NFIA: variants seen among roughly 807,000 people sequenced by gnomAD.
NFIA encodes nuclear factor I A, also known as nuclear factor 1 A-type.
In NFIA, 8 loss-of-function variants were observed where a neutral mutation model predicts 62.8. That is an observed-to-expected ratio of 0.13 (90% CI 0.07 to 0.23). The LOEUF is 0.23. Among genes scored for constraint, NFIA ranks in the 10% least tolerant of loss-of-function variants. The pLI is 1.00. For missense variants in NFIA, 410 were observed against 642.1 expected (o/e 0.64, Z 3.91); for synonymous variants, 235 against 238.1 (o/e 0.99, Z 0.12).
chr1:61,230,974 C>G (rs1281311021), intron 2 of NFIA, among the ~76,000 whole-genome samples: 1 of 152,202 alleles, frequency 6.6e-6, no homozygotes, highest in Admixed American at 6.5e-5. Context: ...CACTTTCTTG[C>G]AGTTAGGGAC....
intron 2 of NFIA, among the ~76,000 whole-genome samples, chr1:61,256,431 A>G: frequency 1.1e-5 from 1 of 95,164 alleles, no homozygotes; most frequent in South Asian, 4.0e-4. Context: ...GTGAGACTCC[A>G]TCTAAAAAAA....
At chr1:61,366,199 T>C (rs1663575922) in intron 6 of NFIA, among the ~76,000 whole-genome samples, 1 of 152,192 alleles carries the variant, frequency 6.6e-6, no homozygotes, top group African/African-American at 2.4e-5. Flanking sequence ...AGGGGTCCAG[T>C]GGGCTTCATG....
chr1:61,377,830 T>A (rs963212085), intron 6 of NFIA, among the ~76,000 whole-genome samples: 1 of 152,202 alleles, frequency 6.6e-6, no homozygotes, highest in Non-Finnish European at 1.5e-5. Context: ...GAATGAATTT[T>A]TGGATAGGTG....
chr1:61,325,619 T>A (rs1660654085), intron 3 of NFIA, among the ~76,000 whole-genome samples: 2 of 152,134 alleles, frequency 1.3e-5, no homozygotes, highest in South Asian at 4.1e-4. Flanking sequence ...GATGGTTACA[T>A]CAAAACCTGC....
At chr1:61,443,412 C>T (rs1667672049) in intron 10 of NFIA, among the ~76,000 whole-genome samples, 1 of 152,204 alleles carries the variant, frequency 6.6e-6, no homozygotes, top group African/African-American at 2.4e-5. Flanking sequence ...TCACCACACA[C>T]TCCTAGTCCA....
At chr1:61,320,308 A>G (rs891375453) in intron 3 of NFIA, among the ~76,000 whole-genome samples, 2 of 152,178 alleles carry the variant, frequency 1.3e-5, no homozygotes, top group East Asian at 1.9e-4. Context: ...TGTGACCCAC[A>G]TGATTGTGGC....
rs3833520 is a variant in NFIA, at chr1:61,184,106, T to TGGG, written c.560-93407_560-93405dup. Among the ~76,000 whole-genome samples, 29 of 101,820 alleles carry TGGG rather than the reference T, an allele frequency of 2.8e-4. No individual in the cohort carries two copies. In the East Asian group the frequency reaches 4.1e-3, roughly 14 times the overall value. 66.8% of individuals were successfully genotyped at this position (101,820 alleles called of 152,430 possible). On this transcript the variant is annotated intron_variant, in intron 2 of 10. Transcript: ENST00000403491. The stretch of plus-strand genomic sequence containing the variant: ...TTTCTACTCAGATCCGTAAGGTTTA[T>TGGG]GGGGGGGGGAAAAAAAACCAAAAAA...
chr1:61,356,363 G>T (rs1662954219), intron 5 of NFIA, among the ~76,000 whole-genome samples: 1 of 152,062 alleles, frequency 6.6e-6, no homozygotes, highest in African/African-American at 2.4e-5. Flanking sequence ...ATGATTTCCA[G>T]TGGCTTTCCA....
Position 61,344,174 on chromosome 1 carries a change from C to T in NFIA, c.701-8276C>T, listed in dbSNP as rs116242025. On this transcript the variant is annotated intron_variant, in intron 4 of 10. Coordinates refer to ENST00000403491, the MANE Select transcript of NFIA (RefSeq NM_001134673.4). ...CATAAATTACTTTCCAAGTTAATTC[C>T]CTTTAACGATGATTCCAGATTTGCT... Among the ~76,000 whole-genome samples, 394 of 152,228 alleles carry T rather than the reference C, an allele frequency of 2.6e-3. 3 individuals are homozygous for T. The highest frequency in any genetic ancestry group is 9.1e-3 in the African/African-American group (378 of 41,528).
chr1:61,199,499 TG>T (rs1164865446), intron 2 of NFIA, among the ~76,000 whole-genome samples: 1 of 152,164 alleles, frequency 6.6e-6, no homozygotes, highest in Non-Finnish European at 1.5e-5. Context: ...TCCAATCTTA[TG>T]TACCGTATCT....
intron 2 of NFIA, among the ~76,000 whole-genome samples, chr1:61,089,346 T>C (rs982287555): frequency 6.6e-6 from 1 of 152,190 alleles, no homozygotes; most frequent in African/African-American, 2.4e-5. Context: ...TATTGATAAT[T>C]GATGTAGTGA....
rs539756501 is a variant in NFIA, at chr1:61,328,038, G to C, written c.626-4474G>C. Among the ~76,000 whole-genome samples, 8 of 150,980 alleles carry C rather than the reference G, an allele frequency of 5.3e-5. No homozygotes were observed. In the East Asian group the frequency reaches 7.8e-4, roughly 15 times the overall value. On this transcript the variant is annotated intron_variant, in intron 3 of 10. Transcript: ENST00000403491. ...TGATGTTGGGCATTTTTTCATGTTT[G>C]TTGGCCATTTGTCTATCTTCTTTTG...
chr1:61,379,402 CT>C (rs60735193), intron 6 of NFIA, among the ~76,000 whole-genome samples: 12,158 of 98,434 alleles, frequency 0.12, 554 homozygotes, highest in East Asian at 0.19. Flanking sequence ...TTTTCTTTTT[CT>C]TTTTTTTTTT....
chr1:61,177,527 A>G (rs2100556666), intron 2 of NFIA, among the ~76,000 whole-genome samples: 1 of 152,298 alleles, frequency 6.6e-6, no homozygotes, highest in South Asian at 2.1e-4. Flanking sequence ...TGTTATCCCT[A>G]TTCTAACAAG....
rs72915774 is a variant in NFIA at position 61,446,822 on chromosome 1, C to G, written c.1513-8481C>G. ...CTAAGGTCTCCTTGATTGATTGGCT[C>G]TCAACCTGAGTCATGTTTGGGAAGA... On this transcript the variant is annotated intron_variant, in intron 10 of 10. Transcript: ENST00000403491. Among the ~76,000 whole-genome samples the G allele has an allele frequency of 9.5e-3, 1,442 of 152,312 alleles. 15 individuals are homozygous for G. Among genetic ancestry groups the G allele is most frequent in the African/African-American group, 0.033 (1,361 of 41,564 alleles).
In NFIA at chr1:61,341,060, C is replaced by CTTTTT. The variant is rs35203949; in HGVS notation, c.700+8491_700+8495dup. Among the ~76,000 whole-genome samples, 42 of 108,786 alleles carry CTTTTT rather than the reference C, an allele frequency of 3.9e-4. 1 individual carries two copies. The highest frequency in any genetic ancestry group is 9.4e-4 in the African/African-American group (26 of 27,622). 71.4% of individuals were successfully genotyped at this position (108,786 alleles called of 152,430 possible). On this transcript the variant is annotated intron_variant, in intron 4 of 10. Coordinates refer to ENST00000403491, the MANE Select transcript of NFIA (RefSeq NM_001134673.4). ...CACCTGGGTCATCTGTACCGGCATT[C>CTTTTT]TTTTTTTTTTTTTTTTTTTTTGAGA...
chr1:61,154,819 C>T (rs1369442781), intron 2 of NFIA, among the ~76,000 whole-genome samples: 1 of 152,200 alleles, frequency 6.6e-6, no homozygotes, highest in Non-Finnish European at 1.5e-5. Context: ...ATAAACCAGT[C>T]TTAAATTGAG....
rs1661355198 is a variant in NFIA at position 61,332,596 on chromosome 1, A to C, written c.700+10A>C. 3 of 1,612,914 alleles carry C rather than the reference A, an allele frequency of 1.9e-6. No individual in the cohort carries two copies. Among genetic ancestry groups the C allele is most frequent in the Admixed American group, 1.7e-5 (1 of 59,944 alleles). On this transcript the variant is annotated intron_variant, in intron 4 of 10. Coordinates refer to ENST00000403491, the MANE Select transcript of NFIA (RefSeq NM_001134673.4). ...GTAAGAGTGTCACAGAGTAAGTATAATTTTGCTTTGATTTGGTACAGATTT... is the reference window on the plus strand; with the variant it reads ...GTAAGAGTGTCACAGAGTAAGTATACTTTTGCTTTGATTTGGTACAGATTT...
At chr1:61,376,543 C>G (rs1049659858) in intron 6 of NFIA, among the ~76,000 whole-genome samples, 1 of 152,124 alleles carries the variant, frequency 6.6e-6, no homozygotes, top group African/African-American at 2.4e-5. Flanking sequence ...CTTAACTGAT[C>G]CTTACTAAGG....
Sources: allele counts gnomAD v4.1 joint callset (sites outside exome capture counted in the v4.1 genomes callset), GRCh38; gene constraint gnomAD v4.1.1; transcripts MANE v1.5; gene names NCBI Gene and HGNC (gene_info 2026-07-23, HGNC 2026-07-21).